ZNF721: variants seen among roughly 807,000 people sequenced by gnomAD.
ZNF721 encodes the protein zinc finger protein 721.
Under a neutral mutation model 2.4 loss-of-function variants are expected in ZNF721, and 2 were observed. The observed-to-expected ratio is 0.82, with a 90% CI of 0.34 to 2.58. The LOEUF (loss-of-function observed/expected upper bound fraction) is 2.58, where lower values mean the gene tolerates loss of function less well. Ranked by LOEUF, ZNF721 falls within the 30% of genes most tolerant of loss-of-function variation. The pLI, the probability that ZNF721 is intolerant of heterozygous loss-of-function variation, is 0.11. For missense variants in ZNF721, 1,187 were observed against 1,085.5 expected (o/e 1.09, Z -1.31); for synonymous variants, 398 against 381.8 (o/e 1.04, Z -0.50).
Position 440,058 on chromosome 4 carries a change from A to G in ZNF721, c.*1637T>C, listed in dbSNP as rs1236158901. On this transcript the variant is annotated 3_prime_UTR_variant, in exon 3 of 3. Coordinates refer to ENST00000511833, the MANE Select transcript of ZNF721 (RefSeq NM_133474.4). ...TTATCTTAAGAGAATTTTAAAATTT[A>G]CTGCATTTTATTGCACTTATTACAT... The G allele has an allele frequency of 6.6e-6, 1 of 152,240 alleles. No homozygotes were observed. The highest frequency in any genetic ancestry group is 2.4e-5 in the African/African-American group (1 of 41,468). The allele number at this position is 152,240 out of a possible 1,614,324, so 9.4% of individuals were successfully genotyped here.
chr4:490,266 G>A (rs1217857427), intron 1 of ZNF721, among the ~76,000 whole-genome samples: 1 of 151,804 alleles, frequency 6.6e-6, no homozygotes, highest in Non-Finnish European at 1.5e-5. Context: ...CACGAGGTGA[G>A]GAGATCGAGA....
rs782560872 is a variant in ZNF721 at position 444,216 on chromosome 4, T to C, written c.251A>G (p.Asn84Ser). ...SNTQSKIFQC[N>S]ARVKVFSKFA... ...TTTACTAAAAACTTTGACACGTGCATTACATTGAAATATTTTGCTCTGAGT... is the reference window on the plus strand; with the variant it reads ...TTTACTAAAAACTTTGACACGTGCACTACATTGAAATATTTTGCTCTGAGT... The change falls in exon 3 of 3, where the codon AAT becomes AGT. Residue 84 changes from asparagine to serine, a missense_variant. Transcript: ENST00000511833. 3.7e-6 allele frequency: 6 copies of C among 1,613,782 alleles called. No homozygotes were observed. The highest frequency in any genetic ancestry group is 1.1e-5 in the South Asian group (1 of 91,064).
intron 1 of ZNF721, among the ~76,000 whole-genome samples, chr4:485,224 G>A (rs114092888): frequency 0.042 from 6,358 of 152,152 alleles, 181 homozygotes; most frequent in African/African-American, 0.083. Flanking sequence ...CATGAGATGG[G>A]TATTAATATT....
At chr4:495,857 C>A (rs1453548672) in intron 1 of ZNF721, among the ~76,000 whole-genome samples, 1 of 152,138 alleles carries the variant, frequency 6.6e-6, no homozygotes, top group African/African-American at 2.4e-5. Flanking sequence ...CCACCTCGGC[C>A]TCCCAAAATG....
Position 442,929 on chromosome 4 carries a change from G to C in ZNF721, c.1538C>G (p.Ser513Cys). The change falls in exon 3 of 3, where the codon TCC (serine) becomes TGC (cysteine). Residue 513 changes from serine (S) to cysteine (C), a missense_variant. Transcript: ENST00000511833. ...CLECGKAFTS[S>C]TTLTKHRRIH... is the part of the protein sequence containing the mutation. ...TCTCCTATGTTTAGTAAGGGTTGTG[G>C]AACTAGTAAACGCTTTACCACATTC... 6.2e-7 allele frequency: 1 copy of C among 1,613,732 alleles called. No individual in the cohort carries two copies. Among genetic ancestry groups the C allele is most frequent in the South Asian group, 1.1e-5 (1 of 91,060 alleles).
chr4:472,823 G>A, intron 1 of ZNF721, 122 bp from the exon 2 acceptor site: 4 of 1,322,748 alleles, frequency 3.0e-6, no homozygotes, highest in Non-Finnish European at 4.2e-6. Flanking sequence ...TTTCAACACA[G>A]TAATGTTCTC....
In ZNF721 at chr4:467,279, T is replaced by C. The variant is rs900113006; in HGVS notation, c.34+5296A>G. Among the ~76,000 whole-genome samples the C allele has an allele frequency of 2.0e-5, 3 of 151,668 alleles. No homozygotes were observed. The South Asian group carries it at 6.2e-4, about 31-fold the overall frequency. Reference sequence around the variant, plus strand: ...CATGGCTTACACATACAATGAAAAATTCTTTAGAATCAAATGAAAATATCT... The same window carrying C: ...CATGGCTTACACATACAATGAAAAACTCTTTAGAATCAAATGAAAATATCT... On this transcript the variant is annotated intron_variant, in intron 2 of 2. Coordinates refer to ENST00000511833, the MANE Select transcript of ZNF721 (RefSeq NM_133474.4).
At chr4:478,082 C>G (rs1262216356) in intron 1 of ZNF721, among the ~76,000 whole-genome samples, 1 of 152,214 alleles carries the variant, frequency 6.6e-6, no homozygotes, top group Non-Finnish European at 1.5e-5. Context: ...ACACGGAACT[C>G]TCAGGGCAGT....
rs1477737629 is a variant in ZNF721, at chr4:484,643, G to A, written c.-93-11942C>T. ...GAAATAGACTCCAGTCTCCCATAGT[G>A]CTCCCAGGCTTATTAGGAAGAGGAA... On this transcript the variant is annotated intron_variant, in intron 1 of 2. Coordinates refer to ENST00000511833, the MANE Select transcript of ZNF721 (RefSeq NM_133474.4). Among the ~76,000 whole-genome samples the A allele has an allele frequency of 9.2e-5, 14 of 152,250 alleles. No individual in the cohort carries two copies. The East Asian group carries it at 9.7e-4, about 11-fold the overall frequency.
chr4:494,593 CTTACAT>C (rs1716103071), intron 1 of ZNF721, among the ~76,000 whole-genome samples: 1 of 152,048 alleles, frequency 6.6e-6, no homozygotes, highest in Non-Finnish European at 1.5e-5. Context: ...GCTAAGTAGT[CTTACAT>C]TTGCATAAGA....
rs781947891 is a variant in ZNF721 at position 496,707 on chromosome 4, CTTTTTTTTTTTTTTTT to C, written c.-94+2333_-94+2348del. Among the ~76,000 whole-genome samples the C allele has an allele frequency of 4.8e-5, 4 of 83,842 alleles. No homozygotes were observed. The South Asian group carries it at 1.9e-3, about 40-fold the overall frequency. 55.0% of individuals were successfully genotyped at this position (83,842 alleles called of 152,430 possible). A position where few individuals can be genotyped will look rare whatever the true frequency, so the allele number is the denominator to read the frequency against. ...AATGATCACACAAAATACATGACTTCTTTTTTTTTTTTTTTTTTTTTTTTTGAGACGGAGTCTCGCT... is the reference window on the plus strand; with the variant it reads ...AATGATCACACAAAATACATGACTTCTTTTTTTTTGAGACGGAGTCTCGCT... On this transcript the variant is annotated intron_variant, in intron 1 of 2. Transcript: ENST00000511833.
At chr4:472,470 T>A (rs1715466017) in intron 2 of ZNF721, 105 bp downstream of exon 2, 2 of 1,279,642 alleles carry the variant, frequency 1.6e-6, no homozygotes, top group African/African-American at 1.5e-5. Flanking sequence ...GCTGTGTGTG[T>A]GAGACACACA....
At chr4:465,646 AT>A (rs1715223176) in intron 2 of ZNF721, among the ~76,000 whole-genome samples, 1 of 151,904 alleles carries the variant, frequency 6.6e-6, no homozygotes, top group South Asian at 2.1e-4. Flanking sequence ...GTTAGCCAGG[AT>A]GGTCTCGATC....
At chr4:473,501 C>T (rs1432199881) in intron 1 of ZNF721, among the ~76,000 whole-genome samples, 4 of 152,122 alleles carry the variant, frequency 2.6e-5, no homozygotes, top group African/African-American at 9.7e-5. Context: ...CGCTTCACTT[C>T]CTCACACACC....
rs566529807 is a variant in ZNF721, at chr4:483,815, ATTTG to A, written c.-93-11118_-93-11115del. On this transcript the variant is annotated intron_variant, in intron 1 of 2. Transcript: ENST00000511833. Reference sequence around the variant, plus strand: ...ATATTTCAGAATAATAGCAATGTTCATTTGTTTGTTTGTTTGAAATGGAGTCTTG... The same window carrying A: ...ATATTTCAGAATAATAGCAATGTTCATTTGTTTGTTTGAAATGGAGTCTTG... Among the ~76,000 whole-genome samples, 734 of 152,184 alleles carry A rather than the reference ATTTG, an allele frequency of 4.8e-3. 7 individuals carry two copies. The highest frequency in any genetic ancestry group is 0.017 in the African/African-American group (691 of 41,552).
chr4:475,014 C>T (rs1288109640), intron 1 of ZNF721, among the ~76,000 whole-genome samples: 1 of 151,996 alleles, frequency 6.6e-6, no homozygotes, highest in African/African-American at 2.4e-5. Flanking sequence ...CGGTGAAACC[C>T]CGTCTCTATT....
At chr4:471,618 G>A (rs1715436913) in intron 2 of ZNF721, among the ~76,000 whole-genome samples, 1 of 150,434 alleles carries the variant, frequency 6.6e-6, no homozygotes, top group Non-Finnish European at 1.5e-5. Flanking sequence ...TGAATAAGGA[G>A]AAACCTAAGG....
chr4:446,231 G>C (rs1020497145), intron 2 of ZNF721, among the ~76,000 whole-genome samples: 24 of 152,126 alleles, frequency 1.6e-4, no homozygotes, highest in Admixed American at 1.2e-3. Flanking sequence ...TAATAGTGCG[G>C]AAAACATTTT....
chr4:490,304 G>A (rs797041855), intron 1 of ZNF721, among the ~76,000 whole-genome samples: 62 of 151,800 alleles, frequency 4.1e-4, no homozygotes, highest in African/African-American at 1.4e-3. Context: ...GTGAAACCCC[G>A]TCTCTACTAA....
Sources: gnomAD v4.1 joint callset for allele counts (sites outside exome capture counted in the v4.1 genomes callset) on GRCh38, gnomAD v4.1.1 for gene constraint, MANE v1.5 for transcripts, NCBI Gene and HGNC (gene_info 2026-07-23, HGNC 2026-07-21) for gene names.